Variants in PDE1C observed in about 807,000 individuals in gnomAD.
The protein encoded by PDE1C is dual specificity calcium/calmodulin-dependent 3',5'-cyclic nucleotide phosphodiesterase 1C.
A neutral mutation model predicts 93.1 loss-of-function variants in PDE1C; 62 were observed. That is an observed-to-expected ratio of 0.67 (90% CI 0.54 to 0.82). The LOEUF (loss-of-function observed/expected upper bound fraction) is 0.82, where lower values mean the gene tolerates loss of function less well. Among genes scored for constraint, PDE1C ranks in the 40% least tolerant of loss-of-function variants. PDE1C has a pLI of 0.00. For missense variants in PDE1C, 742 were observed against 884.6 expected (o/e 0.84, Z 2.04); for synonymous variants, 325 against 310.1 (o/e 1.05, Z -0.50).
intron 2 of PDE1C, among the ~76,000 whole-genome samples, chr7:31,964,468 C>A (rs992207814): frequency 2.0e-5 from 3 of 152,256 alleles, no homozygotes; most frequent in African/African-American, 7.2e-5. Flanking sequence ...GAAGCTCAAA[C>A]TGGGTGGAGA....
At chr7:31,931,946 G>T (rs919410283) in intron 2 of PDE1C, among the ~76,000 whole-genome samples, 1 of 152,146 alleles carries the variant, frequency 6.6e-6, no homozygotes, top group Non-Finnish European at 1.5e-5. Context: ...TGAGAAACCT[G>T]ACAAAAACAA....
intron 2 of PDE1C, among the ~76,000 whole-genome samples, chr7:32,202,166 T>C (rs758637028): frequency 3.2e-4 from 49 of 152,198 alleles, no homozygotes; most frequent in Non-Finnish European, 2.4e-4. Context: ...GTATCATCCA[T>C]AAACTCTTAG....
chr7:32,288,058 G>A (rs1249268126), intron 1 of PDE1C, among the ~76,000 whole-genome samples: 1 of 152,144 alleles, frequency 6.6e-6, no homozygotes, highest in Non-Finnish European at 1.5e-5. Context: ...GGAGGCTGAG[G>A]CAGGAGAATC....
intron 3 of PDE1C, among the ~76,000 whole-genome samples, chr7:32,094,527 A>G (rs1797643923): frequency 6.6e-6 from 1 of 152,228 alleles, no homozygotes; most frequent in Admixed American, 6.5e-5. Context: ...AACTGCTGTG[A>G]AAGAGAAGCA....
chr7:31,697,157 G>A, the PDE1C span: 4 of 1,607,572 alleles, frequency 2.5e-6, no homozygotes, highest in Non-Finnish European at 3.4e-6. Context: ...GGGGTGATGG[G>A]GACAGGTCAA....
chr7:31,935,452 A>G lies in PDE1C; in HGVS notation c.129-54592T>C, dbSNP rs577934038. 1.4e-4 allele frequency among the ~76,000 whole-genome samples: 22 copies of G among 152,282 alleles called. No homozygotes were observed. The South Asian group carries it at 3.9e-3, about 27-fold the overall frequency. Reference sequence around the variant, plus strand: ...TTCTCTAACTCTTGCTTTTCACACTAAAGTTCATACACCTGAAAGGAAAAC... The same window carrying G: ...TTCTCTAACTCTTGCTTTTCACACTGAAGTTCATACACCTGAAAGGAAAAC... On this transcript the variant is annotated intron_variant, in intron 2 of 17. Transcript: ENST00000396191.
Position 32,187,195 on chromosome 7 carries a change from T to C in PDE1C, c.137-17239A>G, listed in dbSNP as rs1252396415. On this transcript the variant is annotated intron_variant, in intron 2 of 18. Transcript: ENST00000396193. ...TATTTTCAGAGACAAGGTCTCACTA[T>C]GTCACCCAGGCGGGCCTCCAACTCC... Among the ~76,000 whole-genome samples, 3 of 152,096 alleles carry C rather than the reference T, an allele frequency of 2.0e-5. 1 individual carries two copies. The highest frequency in any genetic ancestry group is 7.2e-5 in the African/African-American group (3 of 41,400).
chr7:31,685,539 T>G, the PDE1C span, among the ~76,000 whole-genome samples: 1 of 152,094 alleles, frequency 6.6e-6, no homozygotes, highest in African/African-American at 2.4e-5. Flanking sequence ...TCCACTCAAG[T>G]GTGGACTGAA....
At chr7:32,367,606 A>AC (rs1203316194) in intron 1 of PDE1C, among the ~76,000 whole-genome samples, 6 of 152,258 alleles carry the variant, frequency 3.9e-5, no homozygotes, top group African/African-American at 1.4e-4. Flanking sequence ...CCTGTAATCC[A>AC]GCACTTTGGG....
chr7:32,107,748 G>A (rs963550707), intron 3 of PDE1C, among the ~76,000 whole-genome samples: 9 of 152,042 alleles, frequency 5.9e-5, no homozygotes, highest in Non-Finnish European at 1.3e-4. Flanking sequence ...ATGAAGACGA[G>A]ATAAAATCTT....
intron 1 of PDE1C, among the ~76,000 whole-genome samples, chr7:32,278,460 A>C (rs748203671): frequency 6.6e-6 from 1 of 152,250 alleles, no homozygotes; most frequent in Non-Finnish European, 1.5e-5. Flanking sequence ...CTGCATAAGC[A>C]GATCAAATGG....
At chr7:32,177,560 C>T (rs1803097946) in intron 2 of PDE1C, among the ~76,000 whole-genome samples, 1 of 152,166 alleles carries the variant, frequency 6.6e-6, no homozygotes, top group African/African-American at 2.4e-5. Context: ...CCAACCACCG[C>T]CCTTATAGAG....
intron 1 of PDE1C, among the ~76,000 whole-genome samples, chr7:32,361,176 T>C (rs547636024): frequency 3.8e-4 from 58 of 152,294 alleles, no homozygotes; most frequent in Non-Finnish European, 7.3e-4. Context: ...TGAAGCCAAC[T>C]GCGCAGGTTC....
chr7:32,370,759 A>T (rs1258247558), intron 1 of PDE1C, among the ~76,000 whole-genome samples: 1 of 150,666 alleles, frequency 6.6e-6, no homozygotes, highest in Non-Finnish European at 1.5e-5. Flanking sequence ...CACGTTGTGC[A>T]CATGTACCCT....
chr7:32,211,148 G>A (rs993789870), intron 1 of PDE1C, among the ~76,000 whole-genome samples: 2 of 152,152 alleles, frequency 1.3e-5, no homozygotes, highest in African/African-American at 4.8e-5. Context: ...GGTGGAAGTT[G>A]CAGTGAGTCG....
At chr7:32,210,986 C>T (rs1444722970) in intron 1 of PDE1C, among the ~76,000 whole-genome samples, 3 of 152,100 alleles carry the variant, frequency 2.0e-5, no homozygotes, top group Non-Finnish European at 1.5e-5. Context: ...GAGGTCGAGG[C>T]GGTCGGGTCA....
At chr7:31,975,793 T>G (rs1017676806) in intron 2 of PDE1C, among the ~76,000 whole-genome samples, 6 of 152,204 alleles carry the variant, frequency 3.9e-5, no homozygotes, top group African/African-American at 1.4e-4. Context: ...CACTTAGATA[T>G]GATTTCACTT....
chr7:32,409,454 A>G (rs928909381), intron 1 of PDE1C, among the ~76,000 whole-genome samples: 3 of 152,242 alleles, frequency 2.0e-5, no homozygotes, highest in African/African-American at 7.2e-5. Flanking sequence ...TATTTCACAC[A>G]CAGTAAAAAC....
At chr7:32,280,689 T>G (rs928285802) in intron 1 of PDE1C, among the ~76,000 whole-genome samples, 4 of 152,080 alleles carry the variant, frequency 2.6e-5, no homozygotes, top group Non-Finnish European at 5.9e-5. Flanking sequence ...ACTGGCAAAT[T>G]AAAAGTCCAT....
Sources: gnomAD v4.1 joint callset for allele counts (sites outside exome capture counted in the v4.1 genomes callset) on GRCh38, gnomAD v4.1.1 for gene constraint, MANE v1.5 for transcripts, NCBI Gene and HGNC (gene_info 2026-07-23, HGNC 2026-07-21) for gene names.